Variants in JAZF1 observed in about 807,000 individuals in gnomAD.
The protein encoded by JAZF1 is JAZF zinc finger 1.
Under a neutral mutation model 26.4 loss-of-function variants are expected in JAZF1, and 8 were observed. The observed-to-expected ratio is 0.30, with a 90% CI of 0.18 to 0.55. JAZF1 has a LOEUF of 0.55. Ranked by LOEUF, JAZF1 falls within the 20% of genes least tolerant of loss-of-function variation. The probability of loss-of-function intolerance (pLI) is 0.94; values close to 1 mark genes in which losing one functional copy is unlikely to be tolerated. For missense variants in JAZF1, 199 were observed against 322.0 expected (o/e 0.62, Z 2.92); for synonymous variants, 126 against 122.3 (o/e 1.03, Z -0.20).
chr7:27,835,827 A>G (rs1782796164), intron 4 of JAZF1, among the ~76,000 whole-genome samples: 1 of 152,264 alleles, frequency 6.6e-6, no homozygotes, highest in Non-Finnish European at 1.5e-5. Flanking sequence ...TATTAGTAAA[A>G]AAAAATAAAT....
intron 1 of JAZF1, among the ~76,000 whole-genome samples, chr7:28,070,813 TTATTTC>T (rs1488700661): frequency 6.6e-6 from 1 of 152,262 alleles, no homozygotes; most frequent in Non-Finnish European, 1.5e-5. Flanking sequence ...GTACTCGGGC[TTATTTC>T]TTACTAAGTC....
chr7:28,174,744 C>T (rs1044774278), intron 1 of JAZF1, among the ~76,000 whole-genome samples: 7 of 67,438 alleles, frequency 1.0e-4, no homozygotes, highest in African/African-American at 2.2e-4. Context: ...AATGGAAAAA[C>T]CAGTGAAAAC....
At chr7:28,055,926 A>G (rs902199385) in intron 1 of JAZF1, among the ~76,000 whole-genome samples, 5 of 152,230 alleles carry the variant, frequency 3.3e-5, no homozygotes, top group Non-Finnish European at 7.3e-5. Flanking sequence ...AGCTCAGGAT[A>G]GTCAGGATTC....
rs532319833 is a variant in JAZF1 at position 28,082,109 on chromosome 7, GAA to G, written c.116-90130_116-90129del. Among the ~76,000 whole-genome samples the G allele has an allele frequency of 1.4e-4, 21 of 152,270 alleles. No individual in the cohort carries two copies. The South Asian group carries it at 4.3e-3, about 32-fold the overall frequency. ...AGTAGAGTATGTTTGATGATTATGA[GAA>G]AGTATCTGGAGACTTGAAACTTTAG... On this transcript the variant is annotated intron_variant, in intron 1 of 4. Coordinates refer to ENST00000283928, the MANE Select transcript of JAZF1 (RefSeq NM_175061.4).
intron 3 of JAZF1, among the ~76,000 whole-genome samples, chr7:27,846,043 C>CACCA (rs1783025023): frequency 6.6e-6 from 1 of 152,112 alleles, no homozygotes; most frequent in Non-Finnish European, 1.5e-5. Flanking sequence ...AAAGCTTTCT[C>CACCA]ACCACTACCA....
At chr7:27,958,312 G>A (rs1044242496) in intron 2 of JAZF1, among the ~76,000 whole-genome samples, 3 of 152,198 alleles carry the variant, frequency 2.0e-5, no homozygotes, top group African/African-American at 7.2e-5. Flanking sequence ...TTACTAAAGA[G>A]TAGGTGAAAT....
rs58952216 is a variant in JAZF1 at position 28,174,821 on chromosome 7, G to GGTGTGTGTGTGTGTGTGTGT, written c.115+5622_115+5641dup. On this transcript the variant is annotated intron_variant, in intron 1 of 4. Coordinates refer to ENST00000283928, the MANE Select transcript of JAZF1 (RefSeq NM_175061.4). ...CCTGATCCTGCCTATGGGGTGTGTG[G>GGTGTGTGTGTGTGTGTGTGT]GTGTGTGTGTGTGTGTGTGTGTGTG... is the stretch of plus-strand genomic sequence containing the variant. 6.3e-3 allele frequency among the ~76,000 whole-genome samples: 684 copies of GGTGTGTGTGTGTGTGTGTGT among 107,782 alleles called. 46 individuals carry two copies. Among genetic ancestry groups the GGTGTGTGTGTGTGTGTGTGT allele is most frequent in the African/African-American group, 0.018 (661 of 35,856 alleles). The allele number at this position is 107,782 out of a possible 152,430, so 70.7% of individuals were successfully genotyped here.
intron 2 of JAZF1, among the ~76,000 whole-genome samples, chr7:27,965,356 T>C (rs954156286): frequency 1.3e-5 from 2 of 152,230 alleles, no homozygotes; most frequent in Non-Finnish European, 2.9e-5. Flanking sequence ...AACATGTTTA[T>C]TTTTATAGTC....
intron 4 of JAZF1, among the ~76,000 whole-genome samples, chr7:27,836,950 TAC>T (rs536606233): frequency 1.2e-4 from 18 of 152,012 alleles, no homozygotes; most frequent in East Asian, 5.8e-4. Flanking sequence ...TATTTTTTCA[TAC>T]ACACACACAC....
At chr7:27,963,514 C>T (rs1785218169) in intron 2 of JAZF1, among the ~76,000 whole-genome samples, 1 of 150,826 alleles carries the variant, frequency 6.6e-6, no homozygotes. Flanking sequence ...CACAAACATT[C>T]AAATAATTGC....
chr7:28,098,177 G>C (rs1784414615), intron 1 of JAZF1, among the ~76,000 whole-genome samples: 1 of 152,164 alleles, frequency 6.6e-6, no homozygotes, highest in East Asian at 1.9e-4. Context: ...GCCCTCATAA[G>C]AAGAGAAACC....
At chr7:28,111,427 C>T (rs781634796) in intron 1 of JAZF1, among the ~76,000 whole-genome samples, 3 of 152,042 alleles carry the variant, frequency 2.0e-5, no homozygotes, top group Non-Finnish European at 4.4e-5. Context: ...ATTTGGTGAG[C>T]TTTTTATTGA....
chr7:27,937,515 G>C (rs1227517478), intron 2 of JAZF1, among the ~76,000 whole-genome samples: 2 of 152,058 alleles, frequency 1.3e-5, no homozygotes, highest in Non-Finnish European at 2.9e-5. Context: ...TTTGCTTATA[G>C]ATAACCAAAA....
At chr7:27,866,926 C>T (rs191485815) in intron 3 of JAZF1, among the ~76,000 whole-genome samples, 11 of 152,252 alleles carry the variant, frequency 7.2e-5, no homozygotes, top group South Asian at 2.1e-4. Flanking sequence ...TGCATCACAC[C>T]GTGGAGGAAT....
chr7:27,884,945 C>CCGGG (rs1362911228), intron 3 of JAZF1, among the ~76,000 whole-genome samples: 2 of 152,148 alleles, frequency 1.3e-5, no homozygotes, highest in Non-Finnish European at 2.9e-5. Flanking sequence ...ACTCTCTCTG[C>CCGGG]CGGGCGGAGG....
chr7:28,084,468 G>A (rs1784183612), intron 1 of JAZF1, among the ~76,000 whole-genome samples: 1 of 152,154 alleles, frequency 6.6e-6, no homozygotes, highest in Non-Finnish European at 1.5e-5. Flanking sequence ...TTCTGACCAC[G>A]GCCTCCAATC....
At chr7:28,107,419 A>T (rs1219536045) in intron 1 of JAZF1, among the ~76,000 whole-genome samples, 1 of 152,204 alleles carries the variant, frequency 6.6e-6, no homozygotes, top group Admixed American at 6.5e-5. Flanking sequence ...GGCGCTGAGA[A>T]TGTTCTCAGT....
rs184952331 is a variant in JAZF1, at chr7:28,105,113, G to A, written c.115+75350C>T. The stretch of plus-strand genomic sequence containing the variant: ...CTGCATGTTAGGTTATGACATGTCC[G>A]GATTTTTTTTTAGAGACACCAAACA... On this transcript the variant is annotated intron_variant, in intron 1 of 4. Coordinates refer to ENST00000283928, the MANE Select transcript of JAZF1 (RefSeq NM_175061.4). 2.9e-4 allele frequency among the ~76,000 whole-genome samples: 44 copies of A among 152,064 alleles called. No individual in the cohort carries two copies. The East Asian group carries it at 4.3e-3, about 15-fold the overall frequency.
In JAZF1 at chr7:27,881,209, A is replaced by G. The variant is rs554474617; in HGVS notation, c.385+14011T>C. 1.6e-3 allele frequency among the ~76,000 whole-genome samples: 237 copies of G among 152,290 alleles called. 1 individual carries two copies. Among genetic ancestry groups the G allele is most frequent in the African/African-American group, 5.3e-3 (221 of 41,558 alleles). On this transcript the variant is annotated intron_variant, in intron 3 of 4. Coordinates refer to ENST00000283928, the MANE Select transcript of JAZF1 (RefSeq NM_175061.4). The stretch of plus-strand genomic sequence containing the variant: ...GAGGGGGCATGGGGAACCCTTCCAG[A>G]TTAAGGTGCATGGCCCACAGGTGGT...
Sources: allele counts gnomAD v4.1 joint callset (sites outside exome capture counted in the v4.1 genomes callset), GRCh38; gene constraint gnomAD v4.1.1; transcripts MANE v1.5; gene names NCBI Gene and HGNC (gene_info 2026-07-23, HGNC 2026-07-21).